Variants in LHCGR observed in about 807,000 individuals in gnomAD.
LHCGR encodes lutropin-choriogonadotropic hormone receptor.
In LHCGR, 55 loss-of-function variants were observed where a neutral mutation model predicts 60.7. The ratio of observed to expected loss-of-function variants is 0.91; its 90% CI spans 0.73 to 1.13. LHCGR has a LOEUF of 1.13. Among genes scored for constraint, LHCGR ranks in the 50% most tolerant of loss-of-function variants. LHCGR has a pLI of 0.00. For missense variants in LHCGR, 862 were observed against 836.0 expected (o/e 1.03, Z -0.38); for synonymous variants, 337 against 316.5 (o/e 1.06, Z -0.69).
At chr2:48,736,865 C>G (rs1056153724) in intron 1 of LHCGR, among the ~76,000 whole-genome samples, 1 of 152,150 alleles carries the variant, frequency 6.6e-6, no homozygotes, top group African/African-American at 2.4e-5. Context: ...AGCAAACTCC[C>G]TGGGTGAATG....
In LHCGR at chr2:48,755,619, T is replaced by A; in HGVS notation, c.53A>T (p.Gln18Leu). The change falls in exon 1 of 11, where the codon CAG becomes CTG. Residue 18 changes from glutamine (Q) to leucine (L), a missense_variant. Gln to Leu is a moderately radical substitution (Grantham distance 113). Transcript: ENST00000294954. ...LQLLKLLLLL[Q>L]PPLPRALREA... Reference sequence around the variant, plus strand: ...GCGCAGCGCTCGTGGCAGCGGCGGCTGCAGCAGCAGCAGCAGCTTCAGCAG... The same window carrying A: ...GCGCAGCGCTCGTGGCAGCGGCGGCAGCAGCAGCAGCAGCAGCTTCAGCAG... 2 of 1,531,296 alleles carry A rather than the reference T, an allele frequency of 1.3e-6. No homozygotes were observed. The highest frequency in any genetic ancestry group is 1.8e-6 in the Non-Finnish European group (2 of 1,141,792). 94.9% of individuals were successfully genotyped at this position (1,531,296 alleles called of 1,614,324 possible).
chr2:48,696,390 T>C (rs911380392), intron 9 of LHCGR, among the ~76,000 whole-genome samples: 3 of 152,216 alleles, frequency 2.0e-5, no homozygotes, highest in African/African-American at 7.2e-5. Flanking sequence ...CTGAGGGCAG[T>C]AGGGTGCAAG....
intron 8 of LHCGR, 104 bp from the exon 9 acceptor site, chr2:48,698,904 C>G (rs1028146960): frequency 1.2e-5 from 11 of 909,080 alleles, no homozygotes; most frequent in Non-Finnish European, 1.8e-5. Context: ...TGCAGTGGCA[C>G]GACCTCGGCT....
intron 1 of LHCGR, among the ~76,000 whole-genome samples, chr2:48,738,601 C>A (rs990487878): frequency 1.3e-5 from 2 of 152,170 alleles, no homozygotes; most frequent in Non-Finnish European, 1.5e-5. Context: ...AGTTGTATCA[C>A]CCACTCTTGC....
chr2:48,693,104 GT>G (rs1313375025), intron 10 of LHCGR, among the ~76,000 whole-genome samples: 10 of 152,140 alleles, frequency 6.6e-5, no homozygotes, highest in Admixed American at 1.3e-4. Context: ...ATAAAGTCAT[GT>G]GGTTGCAAAA....
chr2:48,728,878 C>A (rs1364794864), intron 3 of LHCGR, among the ~76,000 whole-genome samples: 1 of 152,182 alleles, frequency 6.6e-6, no homozygotes, highest in East Asian at 1.9e-4. Flanking sequence ...TAGGCAAGAG[C>A]TACTTGGCAG....
At chr2:48,739,203 C>T (rs1422283203) in intron 1 of LHCGR, among the ~76,000 whole-genome samples, 2 of 152,190 alleles carry the variant, frequency 1.3e-5, no homozygotes, top group Non-Finnish European at 2.9e-5. Flanking sequence ...AACACTTTTA[C>T]ACTGTTGGTG....
intron 9 of LHCGR, among the ~76,000 whole-genome samples, chr2:48,696,015 A>C (rs79001611): frequency 0.033 from 5,092 of 152,206 alleles, 303 homozygotes; most frequent in African/African-American, 0.12. Flanking sequence ...TAAAAGTTGA[A>C]TCAAAAAAAT....
chr2:48,718,684 T>C (rs1037300411), intron 6 of LHCGR, among the ~76,000 whole-genome samples: 4 of 152,258 alleles, frequency 2.6e-5, no homozygotes, highest in Admixed American at 2.0e-4. Flanking sequence ...CACCACTTTC[T>C]TCCCTATGTG....
chr2:48,712,871 A>G (rs935480823), intron 7 of LHCGR, among the ~76,000 whole-genome samples: 4 of 152,142 alleles, frequency 2.6e-5, no homozygotes, highest in African/African-American at 9.7e-5. Flanking sequence ...GTGGGACTGG[A>G]GTTTGAGTCC....
intron 6 of LHCGR, chr2:48,721,798 G>T (rs773571555): frequency 3.0e-5 from 14 of 470,958 alleles, no homozygotes; most frequent in South Asian, 2.2e-4. Flanking sequence ...AAAGCAGAAA[G>T]AGTGAGAGGG....
intron 6 of LHCGR, among the ~76,000 whole-genome samples, chr2:48,715,207 A>G (rs1668191630): frequency 6.6e-6 from 1 of 151,984 alleles, no homozygotes; most frequent in Admixed American, 6.6e-5. Flanking sequence ...ATTACATTTT[A>G]TGTTTTTATT....
chr2:48,698,565 T>C, intron 9 of LHCGR, 50 bp downstream of exon 9: 2 of 1,513,688 alleles, frequency 1.3e-6, no homozygotes, highest in Non-Finnish European at 1.8e-6. Context: ...TTTTGAAATC[T>C]GAATTTCTGC....
At position 48,687,707 on chromosome 2, in the gene LHCGR, G is replaced by C; in HGVS notation, c.2090C>G (p.Thr697Arg). ...GTALLDKTRYTEC is the reference protein window; with the variant it reads ...GTALLDKTRYREC ...TTACTGATGTAACAGTTAACACTCT[G>C]TGTAGCGAGTCTTGTCTAGGAGAGC... Residue 697 changes from threonine (T) to arginine (R), a missense_variant, in exon 11 of 11, where the codon ACA becomes AGA. Physicochemically the swap from Thr to Arg is moderately conservative, Grantham distance 71 (BLOSUM62 -1). Coordinates refer to ENST00000294954, the MANE Select transcript of LHCGR (RefSeq NM_000233.4). 1 of 1,612,978 alleles carries C rather than the reference G, an allele frequency of 6.2e-7. No homozygotes were observed. The highest frequency in any genetic ancestry group is 8.5e-7 in the Non-Finnish European group (1 of 1,178,964).
At chr2:48,743,261 G>C (rs1669553811) in intron 1 of LHCGR, among the ~76,000 whole-genome samples, 1 of 151,602 alleles carries the variant, frequency 6.6e-6, no homozygotes, top group East Asian at 1.9e-4. Context: ...TTCTACCAGA[G>C]GTACAAGGAG....
At chr2:48,733,026 G>C (rs990444247) in intron 1 of LHCGR, 1 of 523,532 alleles carries the variant, frequency 1.9e-6, no homozygotes, top group Admixed American at 2.0e-5. Flanking sequence ...AATCATGTTC[G>C]CTTGGCTTCC....
At chr2:48,707,120 T>A (rs895562354) in intron 8 of LHCGR, among the ~76,000 whole-genome samples, 2 of 152,196 alleles carry the variant, frequency 1.3e-5, no homozygotes, top group Admixed American at 1.3e-4. Context: ...TTCCTTTCTG[T>A]TTGTGAGTTT....
intron 6 of LHCGR, among the ~76,000 whole-genome samples, chr2:48,719,063 C>G (rs996035262): frequency 6.6e-6 from 1 of 152,226 alleles, no homozygotes; most frequent in African/African-American, 2.4e-5. Flanking sequence ...TGGCTCACGC[C>G]TGTAATCCCA....
In LHCGR at chr2:48,687,845, T is replaced by TA; in HGVS notation, c.1951dup (p.Tyr651LeufsTer2). 6.2e-7 allele frequency: 1 copy of TA among 1,614,146 alleles called. No homozygotes were observed. ...GTAAGCTGAAAAATCTTTCCTTCTA[T>TA]AAAGTTCAGCCCGACGTTTACAGCA... On this transcript the variant is annotated frameshift_variant, in exon 11 of 11. Transcript: ENST00000294954. LOFTEE classifies it low-confidence loss of function (END_TRUNC).
Sources: allele counts gnomAD v4.1 joint callset (sites outside exome capture counted in the v4.1 genomes callset), GRCh38; gene constraint gnomAD v4.1.1; transcripts MANE v1.5; gene names NCBI Gene and HGNC (gene_info 2026-07-23, HGNC 2026-07-21).